The following USP54 variants were observed in gnomAD, a reference collection of about 807,000 sequenced individuals.
USP54 encodes the protein ubiquitin carboxyl-terminal hydrolase 54.
USP54 carries 87 observed loss-of-function variants against 170.5 expected under a neutral mutation model. The observed-to-expected ratio is 0.51, with a 90% CI of 0.43 to 0.61. The LOEUF (loss-of-function observed/expected upper bound fraction) is 0.61, where lower values mean the gene tolerates loss of function less well. Among genes scored for constraint, USP54 ranks in the 20% least tolerant of loss-of-function variants. The pLI is 0.00. For synonymous variants in USP54, 655 were observed against 742.8 expected (o/e 0.88, Z 1.92); for missense variants, 1,786 against 2,047.8 (o/e 0.87, Z 2.47).
intron 4 of USP54, among the ~76,000 whole-genome samples, chr10:73,557,539 G>A (rs942777068): frequency 6.8e-6 from 1 of 146,298 alleles, no homozygotes; most frequent in Admixed American, 7.0e-5. Flanking sequence ...AGGCTGCAGT[G>A]CAGTGGCGCG....
At chr10:73,564,739 C>T (rs1720411317) in intron 4 of USP54, among the ~76,000 whole-genome samples, 1 of 151,998 alleles carries the variant, frequency 6.6e-6, no homozygotes, top group Non-Finnish European at 1.5e-5. Flanking sequence ...TGTGCAAAAT[C>T]CTCCAGAGCT....
In USP54 at chr10:73,617,069, G is replaced by A. The variant is rs532100946; in HGVS notation, c.-18+8498C>T. Among the ~76,000 whole-genome samples, 17 of 150,552 alleles carry A rather than the reference G, an allele frequency of 1.1e-4. No individual in the cohort carries two copies. The South Asian group carries it at 1.5e-3, about 13-fold the overall frequency. ...TCCCAGCACTTTGGGAGGCCAAGGC[G>A]GGCAGATCACCTAAGGTCGGGAGTT... is the stretch of plus-strand genomic sequence containing the variant. On this transcript the variant is annotated intron_variant, in intron 1 of 22. Coordinates refer to the USP54 transcript ENST00000339859.
At chr10:73,526,368 C>G (rs1325664706) in intron 16 of USP54, among the ~76,000 whole-genome samples, 1 of 152,152 alleles carries the variant, frequency 6.6e-6, no homozygotes, top group Non-Finnish European at 1.5e-5. Context: ...CTGCCTCAGC[C>G]TCCCGAGCAG....
At chr10:73,510,451 C>CTT (rs200970566) in intron 20 of USP54, among the ~76,000 whole-genome samples, 55 of 139,594 alleles carry the variant, frequency 3.9e-4, no homozygotes, top group Non-Finnish European at 5.9e-4. Flanking sequence ...AACATTTATT[C>CTT]TTTTTTTTTT....
At chr10:73,584,938 A>C (rs923488887) in intron 1 of USP54, among the ~76,000 whole-genome samples, 1 of 152,130 alleles carries the variant, frequency 6.6e-6, no homozygotes, top group African/African-American at 2.4e-5. Context: ...CCACTGCACC[A>C]CATTACTGAC....
chr10:73,603,043 C>T (rs768342088), intron 1 of USP54, among the ~76,000 whole-genome samples: 13 of 151,894 alleles, frequency 8.6e-5, no homozygotes, highest in Non-Finnish European at 1.2e-4. Flanking sequence ...AGAACTCATC[C>T]CACCCTAATT....
rs773713670 is a variant in USP54, at chr10:73,516,346, CT to C, written c.4051+28del. The C allele has an allele frequency of 6.3e-6, 10 of 1,577,882 alleles. No homozygotes were observed. In the Admixed American group the frequency reaches 1.4e-4, roughly 23 times the overall value. On this transcript the variant is annotated intron_variant, in intron 20 of 23. Transcript: ENST00000687698. ...TTCAGCTTTTATATGATCCTCCCCCCTCCCCCCAACCCCTGGTTGCATTCTT... is the reference window on the plus strand; with the variant it reads ...TTCAGCTTTTATATGATCCTCCCCCCCCCCCCAACCCCTGGTTGCATTCTT...
chr10:73,625,609 A>G (rs1444730687), exon 1 of USP54: 4 of 152,310 alleles, frequency 2.6e-5, no homozygotes, highest in Non-Finnish European at 4.4e-5. Flanking sequence ...TTCTTTCCCA[A>G]TGTAGCCTGG....
chr10:73,537,999 G>GT (rs1316110623), intron 10 of USP54: 1 of 152,078 alleles, frequency 6.6e-6, no homozygotes, highest in Non-Finnish European at 1.5e-5. Flanking sequence ...AATGTCAGGA[G>GT]TTTGAGACCA....
intron 1 of USP54, among the ~76,000 whole-genome samples, chr10:73,603,864 C>G (rs542161238): frequency 6.6e-6 from 1 of 151,886 alleles, no homozygotes; most frequent in East Asian, 1.9e-4. Flanking sequence ...CCAATGAACA[C>G]AGGAAAAGAC....
chr10:73,500,985 C>A, intron 22 of USP54, 147 bp from the exon 23 acceptor site: 1 of 808,978 alleles, frequency 1.2e-6, no homozygotes, highest in Non-Finnish European at 1.9e-6. Flanking sequence ...GAACAGGACC[C>A]AATTTACTCA....
chr10:73,573,924 C>T (rs1420107813), intron 3 of USP54, among the ~76,000 whole-genome samples: 1 of 152,216 alleles, frequency 6.6e-6, no homozygotes, highest in Non-Finnish European at 1.5e-5. Context: ...ACCCAGGTCT[C>T]CTCCTAATGC....
intron 15 of USP54, among the ~76,000 whole-genome samples, chr10:73,528,206 T>C (rs986926958): frequency 4.0e-5 from 6 of 151,870 alleles, no homozygotes; most frequent in Non-Finnish European, 7.4e-5. Context: ...AGTGCTAGGA[T>C]TACAGGCATG....
chr10:73,600,921 C>A (rs1038641642), intron 1 of USP54, among the ~76,000 whole-genome samples: 3 of 152,132 alleles, frequency 2.0e-5, no homozygotes, highest in Non-Finnish European at 4.4e-5. Flanking sequence ...TCTCAAAAAA[C>A]TACCTATCAG....
chr10:73,620,482 C>CTT (rs770755452), intron 1 of USP54, among the ~76,000 whole-genome samples: 15 of 126,170 alleles, frequency 1.2e-4, no homozygotes, highest in Non-Finnish European at 1.3e-4. Context: ...TCTGGGGATT[C>CTT]TTTTTTTTTT....
intron 1 of USP54, chr10:73,614,058 CACACGT>C (rs2080396817): frequency 6.6e-6 from 1 of 151,074 alleles, no homozygotes; most frequent in African/African-American, 2.5e-5. Flanking sequence ...AAAAATTAGT[CACACGT>C]GGTGCCATAC....
chr10:73,562,823 G>A (rs924604672), intron 4 of USP54, among the ~76,000 whole-genome samples: 8 of 152,172 alleles, frequency 5.3e-5, no homozygotes, highest in Admixed American at 5.2e-4. Context: ...GTGGAACTGC[G>A]AGGTGGTTAC....
intron 1 of USP54, among the ~76,000 whole-genome samples, chr10:73,598,008 C>T (rs2078866975): frequency 6.6e-6 from 1 of 151,986 alleles, no homozygotes; most frequent in Admixed American, 6.6e-5. Context: ...CACCTGAATC[C>T]CCGGAGGCAG....
chr10:73,540,287 C>A (rs1590179031), intron 9 of USP54, among the ~76,000 whole-genome samples: 3 of 147,488 alleles, frequency 2.0e-5, no homozygotes, highest in Middle Eastern at 3.4e-3. Flanking sequence ...AAAAAAAAAA[C>A]CAGCTGGGCG....
Sources: gnomAD v4.1 joint callset for allele counts (sites outside exome capture counted in the v4.1 genomes callset) on GRCh38, gnomAD v4.1.1 for gene constraint, MANE v1.5 for transcripts, NCBI Gene and HGNC (gene_info 2026-07-23, HGNC 2026-07-21) for gene names.